Variants in GADL1 observed in about 807,000 individuals in gnomAD.
GADL1 encodes the protein GAD like acidic amino acid decarboxylase 1.
A neutral mutation model predicts 69.5 loss-of-function variants in GADL1; 71 were observed. That is an observed-to-expected ratio of 1.02 (90% CI 0.84 to 1.25). The LOEUF (loss-of-function observed/expected upper bound fraction) is 1.25, where lower values mean the gene tolerates loss of function less well. GADL1 is among the 50% of genes most tolerant of loss of function. GADL1 has a pLI of 0.00. For missense variants in GADL1, 737 were observed against 631.8 expected (o/e 1.17, Z -1.79); for synonymous variants, 254 against 214.4 (o/e 1.18, Z -1.62).
chr3:30,755,253 A>G (rs1695939872), intron 14 of GADL1, among the ~76,000 whole-genome samples: 1 of 151,706 alleles, frequency 6.6e-6, no homozygotes, highest in Admixed American at 6.6e-5. Context: ...TAAAATATTC[A>G]AAGATGTTTA....
At chr3:30,893,767 ACTGATCCGCAGGGGACCCCAG>A (rs1260808308) in intron 1 of GADL1, among the ~76,000 whole-genome samples, 3 of 152,176 alleles carry the variant, frequency 2.0e-5, no homozygotes, top group Non-Finnish European at 4.4e-5. Flanking sequence ...CCTGAAAATG[ACTGATCCGCAGGGGACCCCAG>A]CTGAGTTACC....
At chr3:30,827,509 A>G (rs1397796739) in intron 11 of GADL1, among the ~76,000 whole-genome samples, 1 of 151,918 alleles carries the variant, frequency 6.6e-6, no homozygotes, top group Admixed American at 6.6e-5. Flanking sequence ...GGTAATACCA[A>G]CAAATCCTAA....
intron 11 of GADL1, among the ~76,000 whole-genome samples, chr3:30,825,552 T>C (rs2125519717): frequency 6.6e-6 from 1 of 152,006 alleles, no homozygotes; most frequent in Non-Finnish European, 1.5e-5. Flanking sequence ...TGGAAACCAA[T>C]ATGACAACTA....
Position 30,891,205 on chromosome 3 carries a change from C to G in GADL1, c.37+3373G>C, listed in dbSNP as rs147711682. Among the ~76,000 whole-genome samples, 79 of 152,184 alleles carry G rather than the reference C, an allele frequency of 5.2e-4. No homozygotes were observed. The South Asian group carries it at 8.9e-3, about 17-fold the overall frequency. ...AGAAGGGCTGTTATAGAGAGTTCAT[C>G]CCTTGGGATGCTGCCCTTTTCCCTC... On this transcript the variant is annotated intron_variant, in intron 1 of 14. Transcript: ENST00000282538.
rs1280199807 is a variant in GADL1 at position 30,786,408 on chromosome 3, T to G, written c.1251-2A>C. ...TTCTTGATTTCATCTACTAGGTACC[T>G]AAAATTAAAAGTCACAATAATATTT... On this transcript the variant is annotated splice_acceptor_variant, in intron 12 of 14. Transcript: ENST00000282538. LOFTEE classifies it high-confidence loss of function. The G allele has an allele frequency of 1.2e-5, 17 of 1,398,296 alleles. No homozygotes were observed. Among genetic ancestry groups the G allele is most frequent in the Non-Finnish European group, 1.5e-5 (15 of 986,750 alleles). 86.6% of individuals were successfully genotyped at this position (1,398,296 alleles called of 1,614,324 possible). A position where few individuals can be genotyped will look rare whatever the true frequency, so the allele number is the denominator to read the frequency against.
chr3:30,868,628 A>G (rs1559365497), intron 1 of GADL1, among the ~76,000 whole-genome samples: 1 of 151,908 alleles, frequency 6.6e-6, no homozygotes, highest in Admixed American at 6.6e-5. Flanking sequence ...AGTGTAAAGA[A>G]CTCAATAAAT....
At chr3:30,828,881 G>T (rs960961718) in intron 11 of GADL1, among the ~76,000 whole-genome samples, 3 of 151,762 alleles carry the variant, frequency 2.0e-5, no homozygotes, top group African/African-American at 7.3e-5. Flanking sequence ...GCTAACTATT[G>T]CTCTTCCACT....
intron 1 of GADL1, among the ~76,000 whole-genome samples, chr3:30,868,275 G>A (rs1327398933): frequency 6.6e-6 from 1 of 152,012 alleles, no homozygotes; most frequent in African/African-American, 2.4e-5. Flanking sequence ...CCGATAGTCC[G>A]TGGTCTGTAG....
At chr3:30,773,007 G>A (rs1342983331) in intron 14 of GADL1, among the ~76,000 whole-genome samples, 1 of 139,764 alleles carries the variant, frequency 7.2e-6, no homozygotes, top group Non-Finnish European at 1.5e-5. Flanking sequence ...CAGATACTGT[G>A]TGTTAGGAAG....
chr3:30,881,690 C>T (rs1279547293), intron 1 of GADL1, among the ~76,000 whole-genome samples: 1 of 151,644 alleles, frequency 6.6e-6, no homozygotes, highest in Non-Finnish European at 1.5e-5. Flanking sequence ...CTAGCAATGT[C>T]AAAATACAAC....
chr3:30,747,224 C>A (rs1393723643), intron 14 of GADL1, among the ~76,000 whole-genome samples: 2 of 152,158 alleles, frequency 1.3e-5, no homozygotes, highest in Admixed American at 6.6e-5. Flanking sequence ...GTGAGAATAC[C>A]CAGGCCATTT....
intron 14 of GADL1, among the ~76,000 whole-genome samples, chr3:30,773,504 C>A (rs545028226): frequency 6.6e-6 from 1 of 152,094 alleles, no homozygotes; most frequent in South Asian, 2.1e-4. Flanking sequence ...TATTTTGGCA[C>A]CTCTTATGCA....
intron 1 of GADL1, among the ~76,000 whole-genome samples, chr3:30,877,213 T>C (rs777080792): frequency 9.9e-5 from 15 of 151,842 alleles, no homozygotes; most frequent in Non-Finnish European, 1.5e-5. Context: ...CAAATTATGA[T>C]CAATTGTAAC....
At chr3:30,831,250 T>C (rs1465165658) in intron 11 of GADL1, among the ~76,000 whole-genome samples, 1 of 151,978 alleles carries the variant, frequency 6.6e-6, no homozygotes, top group African/African-American at 2.4e-5. Flanking sequence ...TCTCATATTA[T>C]GTCAATCTTC....
At chr3:30,826,295 T>A (rs1697679295) in intron 11 of GADL1, among the ~76,000 whole-genome samples, 1 of 151,880 alleles carries the variant, frequency 6.6e-6, no homozygotes, top group Non-Finnish European at 1.5e-5. Flanking sequence ...AAGGCAGAAT[T>A]TCATATTTTT....
intron 9 of GADL1, among the ~76,000 whole-genome samples, chr3:30,834,639 G>A (rs1411411315): frequency 6.6e-6 from 1 of 152,206 alleles, no homozygotes; most frequent in Middle Eastern, 3.4e-3. Context: ...GCTATTCAGT[G>A]TATGATGAGA....
chr3:30,854,324 C>T (rs1175693215), intron 4 of GADL1, among the ~76,000 whole-genome samples: 1 of 152,062 alleles, frequency 6.6e-6, no homozygotes, highest in South Asian at 2.1e-4. Flanking sequence ...TGGACCACTT[C>T]GATTAGCATT....
intron 1 of GADL1, among the ~76,000 whole-genome samples, chr3:30,882,181 T>G (rs1272075967): frequency 6.6e-6 from 1 of 151,868 alleles, no homozygotes; most frequent in African/African-American, 2.4e-5. Context: ...ATAATAAAAT[T>G]TACCATCTTA....
chr3:30,855,210 G>A (rs751255778), intron 3 of GADL1, among the ~76,000 whole-genome samples: 6 of 152,030 alleles, frequency 3.9e-5, no homozygotes, highest in African/African-American at 7.2e-5. Context: ...AAGACACATC[G>A]TAGAGCCCTT....
Sources: allele counts gnomAD v4.1 joint callset (sites outside exome capture counted in the v4.1 genomes callset), GRCh38; gene constraint gnomAD v4.1.1; transcripts MANE v1.5; gene names NCBI Gene and HGNC (gene_info 2026-07-23, HGNC 2026-07-21).